Variants in ZNF236 observed in about 807,000 individuals in gnomAD.
The protein encoded by ZNF236 is zinc finger protein 236.
In ZNF236, 50 loss-of-function variants were observed where a neutral mutation model predicts 191.2. The ratio of observed to expected loss-of-function variants is 0.26; its 90% confidence interval spans 0.21 to 0.33. ZNF236 has a LOEUF of 0.33. Ranked by LOEUF, ZNF236 falls within the 10% of genes least tolerant of loss-of-function variation. The pLI, the probability that ZNF236 is intolerant of heterozygous loss-of-function variation, is 1.00. For missense variants in ZNF236, 1,754 were observed against 2,374.5 expected, an observed-to-expected ratio of 0.74 and a Z score of 5.43; for synonymous variants, 907 against 928.8, an observed-to-expected ratio of 0.98 and a Z score of 0.43.
chr18:76,911,945 T>C (rs1967228065), intron 16 of ZNF236, among the ~76,000 whole-genome samples: 1 of 152,146 alleles, frequency 6.6e-6, no homozygotes, highest in African/African-American at 2.4e-5. Flanking sequence ...TCAGTAAGAG[T>C]AGAGCAGATG....
intron 26 of ZNF236, among the ~76,000 whole-genome samples, chr18:76,938,932 G>A (rs1178744592): frequency 6.6e-6 from 1 of 152,188 alleles, no homozygotes; most frequent in Non-Finnish European, 1.5e-5. Context: ...TGCTTATGGA[G>A]TTTAACACAC....
At chr18:76,831,008 T>C (rs73485072) in intron 1 of ZNF236, among the ~76,000 whole-genome samples, 2,477 of 152,300 alleles carry the variant, frequency 0.016, 66 homozygotes, top group African/African-American at 0.056. Context: ...ACACCTTCTG[T>C]CTCTCCTCAC....
In ZNF236 at chr18:76,910,922, C is replaced by A. The variant is rs1307935514; in HGVS notation, c.2805+111C>A. On this transcript the variant is annotated intron_variant, in intron 16 of 30. Coordinates refer to ENST00000320610, the MANE Select transcript of ZNF236 (RefSeq NM_001306089.2). ...AGGGAAATTTTAAGAGGCATGCTCA[C>A]TTCTTGTAGCATTAAGGTTACTGCA... The A allele has an allele frequency of 8.5e-6, 10 of 1,181,046 alleles. No individual in the cohort carries two copies. In the Admixed American group the frequency reaches 2.3e-4, roughly 27 times the overall value. The allele number at this position is 1,181,046 out of a possible 1,614,324, so 73.2% of individuals were successfully genotyped here.
chr18:76,878,242 A>G (rs544119764), intron 7 of ZNF236, 90 bp downstream of exon 7: 1 of 1,301,480 alleles, frequency 7.7e-7, no homozygotes, highest in Admixed American at 2.8e-5. Flanking sequence ...AGTAGCAAAA[A>G]GGTGCTATGA....
chr18:76,949,014 A>G (rs1009039462), intron 27 of ZNF236, among the ~76,000 whole-genome samples: 3 of 152,182 alleles, frequency 2.0e-5, no homozygotes, highest in Non-Finnish European at 2.9e-5. Flanking sequence ...GGCACTGTGG[A>G]GTGTGCAGGG....
At chr18:76,943,893 G>A (rs1408694509) in intron 26 of ZNF236, among the ~76,000 whole-genome samples, 1 of 152,188 alleles carries the variant, frequency 6.6e-6, no homozygotes, top group Admixed American at 6.5e-5. Flanking sequence ...ATTAAGAGTT[G>A]TGTATAGGCC....
chr18:76,907,577 C>T (rs1435768253), intron 13 of ZNF236, among the ~76,000 whole-genome samples: 1 of 152,204 alleles, frequency 6.6e-6, no homozygotes, highest in Admixed American at 6.5e-5. Flanking sequence ...GATCCTCCAG[C>T]CTTGGCCTCC....
intron 9 of ZNF236, chr18:76,885,650 CA>C (rs1450533569): frequency 1.1e-5 from 2 of 179,422 alleles, no homozygotes; most frequent in Non-Finnish European, 2.4e-5. Flanking sequence ...GAGGCATGAA[CA>C]TCTGTCGTAA....
intron 1 of ZNF236, among the ~76,000 whole-genome samples, chr18:76,823,318 G>T (rs1454763358): frequency 6.6e-6 from 1 of 151,868 alleles, no homozygotes; most frequent in Non-Finnish European, 1.5e-5. Flanking sequence ...ATTGTGATCC[G>T]GGAACTTGAA....
intron 3 of ZNF236, among the ~76,000 whole-genome samples, chr18:76,860,401 C>T (rs1322961681): frequency 6.6e-6 from 1 of 152,200 alleles, no homozygotes; most frequent in East Asian, 1.9e-4. Flanking sequence ...GTGATTTCCT[C>T]CATCACTGGA....
At chr18:76,832,492 G>C (rs1304141236) in intron 1 of ZNF236, among the ~76,000 whole-genome samples, 1 of 149,316 alleles carries the variant, frequency 6.7e-6, no homozygotes, top group Non-Finnish European at 1.5e-5. Context: ...TGTAGTATTT[G>C]TTGGAAATAC....
rs570471666 is a variant in ZNF236, at chr18:76,972,826, AG to A, written c.*4488del. Among the ~76,000 whole-genome samples, 149 of 152,348 alleles carry A rather than the reference AG, an allele frequency of 9.8e-4. No homozygotes were observed. The highest frequency in any genetic ancestry group is 3.2e-3 in the African/African-American group (133 of 41,588). ...TATTTATTTAATCCAGTTTTGTATT[AG>A]AAATGGATAGTGATGCCAAAAGCCA... On this transcript the variant is annotated 3_prime_UTR_variant, in exon 31 of 31. Coordinates refer to ENST00000320610, the MANE Select transcript of ZNF236 (RefSeq NM_001306089.2).
intron 15 of ZNF236, 137 bp from the exon 16 acceptor site, chr18:76,910,523 A>G: frequency 2.4e-6 from 2 of 835,542 alleles, no homozygotes; most frequent in Non-Finnish European, 3.6e-6. Flanking sequence ...AAAGCTTGCT[A>G]ATAGCAGCTA....
At chr18:76,837,437 CTTTTTTTT>C (rs71760598) in intron 1 of ZNF236, among the ~76,000 whole-genome samples, 5 of 105,878 alleles carry the variant, frequency 4.7e-5, no homozygotes, top group East Asian at 2.7e-4. Context: ...TTTTCTTTTT[CTTTTTTTT>C]TTTTTTTTTT....
intron 30 of ZNF236, among the ~76,000 whole-genome samples, chr18:76,967,425 T>A (rs62103952): frequency 8.0e-6 from 1 of 124,394 alleles, no homozygotes; most frequent in Non-Finnish European, 1.8e-5. Context: ...TCTGTGAGGT[T>A]TGTGATTTGT....
chr18:76,872,207 G>A (rs761695269), intron 5 of ZNF236, among the ~76,000 whole-genome samples: 3 of 152,214 alleles, frequency 2.0e-5, no homozygotes, highest in Non-Finnish European at 4.4e-5. Context: ...AAGACCGGAT[G>A]TGGTGGCTTA....
intron 9 of ZNF236, among the ~76,000 whole-genome samples, chr18:76,892,146 TC>T (rs1568215509): frequency 4.7e-5 from 7 of 148,646 alleles, no homozygotes; most frequent in Admixed American, 1.3e-4. Context: ...TTTTTTTTTT[TC>T]TTTTTGAAAT....
At chr18:76,954,403 A>G (rs1314512518) in intron 27 of ZNF236, among the ~76,000 whole-genome samples, 1 of 152,238 alleles carries the variant, frequency 6.6e-6, no homozygotes, top group Admixed American at 6.5e-5. Flanking sequence ...AGGTCGCTCC[A>G]TAACTACAGG....
intron 13 of ZNF236, 139 bp from the exon 14 acceptor site, chr18:76,908,181 G>A: frequency 1.7e-6 from 2 of 1,176,968 alleles, no homozygotes; most frequent in Non-Finnish European, 2.4e-6. Flanking sequence ...GTTTTTACCT[G>A]AATTGCCATC....
Sources: allele counts gnomAD v4.1 joint callset (sites outside exome capture counted in the v4.1 genomes callset), GRCh38; gene constraint gnomAD v4.1.1; transcripts MANE v1.5; gene names NCBI Gene and HGNC (gene_info 2026-07-23, HGNC 2026-07-21).